The following CLIP3 variants were observed in gnomAD, a reference collection of about 807,000 sequenced individuals.
CLIP3 encodes the protein CAP-Gly domain containing linker protein 3.
A neutral mutation model predicts 59.4 loss-of-function variants in CLIP3; 15 were observed. That is an observed-to-expected ratio of 0.25 (90% CI 0.17 to 0.39). The LOEUF is 0.39. Ranked by LOEUF, CLIP3 falls within the 10% of genes least tolerant of loss-of-function variation. The probability of loss-of-function intolerance (pLI) is 1.00; values close to 1 mark genes in which losing one functional copy is unlikely to be tolerated. For missense variants in CLIP3, 495 were observed against 765.7 expected (o/e 0.65, Z 4.17); for synonymous variants, 300 against 321.6 (o/e 0.93, Z 0.72).
chr19:36,027,027 GGCA>G lies in CLIP3; in HGVS notation c.322_324del (p.Cys108del). 6.2e-7 allele frequency: 1 copy of G among 1,600,818 alleles called. No homozygotes were observed. Among genetic ancestry groups the G allele is most frequent in the Non-Finnish European group, 8.5e-7 (1 of 1,175,262 alleles). ...GTCAGCCCGTCACGATCGTTCACATGGCAGCCTCGGCGCAGAATCTGTGAGTAC... is the reference window on the plus strand; with the variant it reads ...GTCAGCCCGTCACGATCGTTCACATGGCCTCGGCGCAGAATCTGTGAGTAC... On this transcript the variant is annotated inframe_deletion, in exon 4 of 14. Coordinates refer to ENST00000360535, the MANE Select transcript of CLIP3 (RefSeq NM_015526.3).
At chr19:36,024,346 G>A in intron 7 of CLIP3, 50 bp downstream of exon 7, 1 of 1,521,086 alleles carries the variant, frequency 6.6e-7, no homozygotes, top group Non-Finnish European at 9.1e-7. Flanking sequence ...GGATTAAGGG[G>A]CTGAGTCCCA....
In CLIP3 at chr19:36,026,402, CT is replaced by C. The variant is rs1416209707; in HGVS notation, c.563-138del. 2.7e-6 allele frequency: 3 copies of C among 1,113,338 alleles called. No homozygotes were observed. Among genetic ancestry groups the C allele is most frequent in the African/African-American group, 3.1e-5 (2 of 64,154 alleles). The allele number at this position is 1,113,338 out of a possible 1,614,324, so 69.0% of individuals were successfully genotyped here. On this transcript the variant is annotated intron_variant, in intron 5 of 13. Coordinates refer to ENST00000360535, the MANE Select transcript of CLIP3 (RefSeq NM_015526.3). The surrounding 1 kb of genome is among the most constrained non-coding windows in gnomAD (Gnocchi z 6.3). ...GCCCCGCCCCCACCTCGGAGCCCCC[CT>C]CTCCCTTGGCAGCCCCGACCCTCCC...
intron 3 of CLIP3, 26 bp downstream of exon 3, chr19:36,027,106 C>G: frequency 6.3e-7 from 1 of 1,592,996 alleles, no homozygotes; most frequent in Non-Finnish European, 8.5e-7. Context: ...CATCCCCTCT[C>G]CCCCTGGTTT....
chr19:36,019,091 C>T, intron 8 of CLIP3, 65 bp from the exon 9 acceptor site: 1 of 1,599,422 alleles, frequency 6.3e-7, no homozygotes, highest in South Asian at 1.1e-5. Flanking sequence ...ATCCTCCATC[C>T]CCTATTTCCC....
At chr19:36,030,219 A>G (rs1969220319) in intron 2 of CLIP3, among the ~76,000 whole-genome samples, 1 of 151,946 alleles carries the variant, frequency 6.6e-6, no homozygotes, top group Non-Finnish European at 1.5e-5. Context: ...TGCCTGGCTA[A>G]TTTCTAAATT....
rs369498195 is a variant in CLIP3 at position 36,019,124 on chromosome 19, G to A, written c.1054+47C>T. 67 of 1,611,420 alleles carry A rather than the reference G, an allele frequency of 4.2e-5. No homozygotes were observed. In the South Asian group the frequency reaches 5.9e-4, roughly 14 times the overall value. The stretch of plus-strand genomic sequence containing the variant: ...CCCAGTCAGCAGCATCAGAACTGCC[G>A]AGTGGACACCCAGCCACACCCCTCT... On this transcript the variant is annotated intron_variant, in intron 8 of 13. Coordinates refer to ENST00000360535, the MANE Select transcript of CLIP3 (RefSeq NM_015526.3).
rs1568543328 is a variant in CLIP3 at position 36,026,306 on chromosome 19, T to C, written c.563-41A>G. On this transcript the variant is annotated intron_variant, in intron 5 of 13. Coordinates refer to ENST00000360535, the MANE Select transcript of CLIP3 (RefSeq NM_015526.3). This position sits in a 1 kb window ranked among gnomAD's most constrained non-coding sequence, Gnocchi z 6.3. Reference sequence around the variant, plus strand: ...AGGAGGGGTTCCGGGTGAGCGCCTGTGGGACCCCAGCCCTCCTCCCACCTC... The same window carrying C: ...AGGAGGGGTTCCGGGTGAGCGCCTGCGGGACCCCAGCCCTCCTCCCACCTC... 6.5e-7 allele frequency: 1 copy of C among 1,530,156 alleles called. No individual in the cohort carries two copies. The highest frequency in any genetic ancestry group is 9.0e-7 in the Non-Finnish European group (1 of 1,106,588). 94.8% of individuals were successfully genotyped at this position (1,530,156 alleles called of 1,614,324 possible). A position where few individuals can be genotyped will look rare whatever the true frequency, so the allele number is the denominator to read the frequency against.
At chr19:36,025,117 A>G (rs1316003709) in intron 6 of CLIP3, among the ~76,000 whole-genome samples, 1 of 151,112 alleles carries the variant, frequency 6.6e-6, no homozygotes, top group Non-Finnish European at 1.5e-5. Flanking sequence ...CCACATCCCC[A>G]GGGAAACCCA....
chr19:36,031,733 T>C (rs576579761), intron 2 of CLIP3, among the ~76,000 whole-genome samples: 276 of 152,338 alleles, frequency 1.8e-3, no homozygotes, highest in African/African-American at 6.5e-3. Flanking sequence ...TAAATACAAT[T>C]TTCATAATGT....
At position 36,016,060 on chromosome 19, in the gene CLIP3, G is replaced by A. The variant is rs1968788990; in HGVS notation, c.*98C>T. 8.6e-6 allele frequency: 11 copies of A among 1,275,814 alleles called. No homozygotes were observed. The highest frequency in any genetic ancestry group is 1.1e-5 in the Non-Finnish European group (10 of 884,510). 79.0% of individuals were successfully genotyped at this position (1,275,814 alleles called of 1,614,324 possible). On this transcript the variant is annotated 3_prime_UTR_variant, in exon 14 of 14. Transcript: ENST00000360535. This position sits in a 1 kb window ranked among gnomAD's most constrained non-coding sequence, Gnocchi z 4.1. Reference sequence around the variant, plus strand: ...GCTAACAGGGGTCTCTACTCTGGATGTGTTACTGGGAATCTCTATCTCAGG... The same window carrying A: ...GCTAACAGGGGTCTCTACTCTGGATATGTTACTGGGAATCTCTATCTCAGG...
chr19:36,030,315 A>T (rs1318073631), intron 2 of CLIP3, among the ~76,000 whole-genome samples: 1 of 152,154 alleles, frequency 6.6e-6, no homozygotes, highest in African/African-American at 2.4e-5. Context: ...GGCCTCCTAG[A>T]GTGCTAGGAT....
intron 2 of CLIP3, among the ~76,000 whole-genome samples, chr19:36,028,679 C>G (rs1044755404): frequency 3.6e-4 from 55 of 152,302 alleles, no homozygotes; most frequent in African/African-American, 1.3e-3. Context: ...CCTCCAGCTC[C>G]CAACCCATCC....
intron 7 of CLIP3, 60 bp downstream of exon 7, chr19:36,024,336 G>C: frequency 1.4e-6 from 2 of 1,462,076 alleles, no homozygotes; most frequent in Non-Finnish European, 1.9e-6. Context: ...CAGCTCCAAG[G>C]GATTAAGGGG....
rs1274410010 is a variant in CLIP3 at position 36,026,591 on chromosome 19, G to T, written c.557C>A (p.Pro186Gln). The change falls in exon 5 of 14, where the codon CCG (proline) becomes CAG (glutamine). Residue 186 changes from proline to glutamine, a missense_variant. Physicochemically the swap from Pro to Gln is moderately conservative, Grantham distance 76 (BLOSUM62 -1). This residue lies in a region of CLIP3 where 194 missense variants were observed against 327.8 expected (regional missense o/e 0.59). Coordinates refer to ENST00000360535, the MANE Select transcript of CLIP3 (RefSeq NM_015526.3). This position sits in a 1 kb window ranked among gnomAD's most constrained non-coding sequence, Gnocchi z 6.3. Reference sequence around the variant, plus strand: ...GCCAGGGCTCTCCTCCTCACCTCGCGGCCTCGCACCCTTCAGCAGCACACG... The same window carrying T: ...GCCAGGGCTCTCCTCCTCACCTCGCTGCCTCGCACCCTTCAGCAGCACACG... ...LVRVLLKGAR[P>Q]RVVNSTCSDF... 1 of 1,613,448 alleles carries T rather than the reference G, an allele frequency of 6.2e-7. No homozygotes were observed. Among genetic ancestry groups the T allele is most frequent in the East Asian group, 2.2e-5 (1 of 44,868 alleles).
chr19:36,017,168 C>T (rs1352322935), intron 12 of CLIP3, among the ~76,000 whole-genome samples, 189 bp from the exon 13 acceptor site: 1 of 152,186 alleles, frequency 6.6e-6, no homozygotes, highest in African/African-American at 2.4e-5. Flanking sequence ...TCCCTGTCCC[C>T]AGTATCTGCT....
Position 36,016,784 on chromosome 19 carries a change from C to A in CLIP3, c.1589+123G>T. On this transcript the variant is annotated intron_variant, in intron 13 of 13. Transcript: ENST00000360535. The surrounding 1 kb of genome is among the most constrained non-coding windows in gnomAD (Gnocchi z 4.1). The stretch of plus-strand genomic sequence containing the variant: ...ACTGTTTCTGGGTATGCTTACAAGT[C>A]ACAAGTTTTCCTAACCTCTCTTTCC... The A allele has an allele frequency of 9.9e-7, 1 of 1,010,066 alleles. No homozygotes were observed. Among genetic ancestry groups the A allele is most frequent in the South Asian group, 1.5e-5 (1 of 68,668 alleles). The allele number at this position is 1,010,066 out of a possible 1,614,324, so 62.6% of individuals were successfully genotyped here.
In CLIP3 at chr19:36,026,941, G is replaced by A. The variant is rs975802626; in HGVS notation, c.400+11C>T. ...TTTGGGGCTTATGACTTGGGGGTAG[G>A]GGGCCCTCACCGACTCCGTGGGCCC... On this transcript the variant is annotated intron_variant, in intron 4 of 13. Transcript: ENST00000360535. This position sits in a 1 kb window ranked among gnomAD's most constrained non-coding sequence, Gnocchi z 6.3. 33 of 1,532,314 alleles carry A rather than the reference G, an allele frequency of 2.2e-5. No individual in the cohort carries two copies. The highest frequency in any genetic ancestry group is 2.9e-5 in the Non-Finnish European group (33 of 1,142,428). The allele number at this position is 1,532,314 out of a possible 1,614,324, so 94.9% of individuals were successfully genotyped here.
At position 36,026,234 on chromosome 19, in the gene CLIP3, G is replaced by A. The variant is rs551170838; in HGVS notation, c.594C>T (p.His198=). 122 of 1,613,682 alleles carry A rather than the reference G, an allele frequency of 7.6e-5. 1 individual carries two copies. In the South Asian group the frequency reaches 9.0e-4, roughly 12 times the overall value. Residue 198 remains histidine, a synonymous_variant, in exon 6 of 14, where the codon CAC becomes CAT. Coordinates refer to ENST00000360535, the MANE Select transcript of CLIP3 (RefSeq NM_015526.3). The surrounding 1 kb of genome is among the most constrained non-coding windows in gnomAD (Gnocchi z 6.3). ...AAGCAGCGATGTGCAGGGCTGAGCC[G>A]TGGTTGAAGTCACTGCACGTGGAGT... is the stretch of plus-strand genomic sequence containing the variant. ...VVNSTCSDFN[H]GSALHIAASS...
chr19:36,017,946 T>C lies in CLIP3; in HGVS notation c.1229A>G (p.Gln410Arg), dbSNP rs1436536628. The change falls in exon 10 of 14, where the codon CAG (glutamine) becomes CGG (arginine). Residue 410 changes from glutamine to arginine, a missense_variant. Coordinates refer to ENST00000360535, the MANE Select transcript of CLIP3 (RefSeq NM_015526.3). ...AACCTCAGCCTTGGCCCCGTCACGC[T>C]GCTGCAAGCTGCCCAGAGATGGGGA... ...PSSPSLGSLQ[Q>R]RDGAKAEVGD... The C allele has an allele frequency of 1.9e-6, 3 of 1,614,150 alleles. No individual in the cohort carries two copies. Among genetic ancestry groups the C allele is most frequent in the Non-Finnish European group, 2.5e-6 (3 of 1,180,046 alleles).
Sources: allele counts gnomAD v4.1 joint callset (sites outside exome capture counted in the v4.1 genomes callset), GRCh38; gene constraint gnomAD v4.1.1; regional missense constraint gnomAD v4.1.1; non-coding constraint Gnocchi (gnomAD v3.1); transcripts MANE v1.5; gene names NCBI Gene and HGNC (gene_info 2026-07-23, HGNC 2026-07-21).